SLC28A3: variants seen among roughly 807,000 people sequenced by gnomAD.
The protein encoded by SLC28A3 is solute carrier family 28 member 3, also known as concentrative Na(+)-nucleoside cotransporter 3.
Under a neutral mutation model 84.2 loss-of-function variants are expected in SLC28A3, and 68 were observed. The observed-to-expected ratio is 0.81, with a 90% CI of 0.66 to 0.99. SLC28A3 has a LOEUF of 0.99. Among genes scored for constraint, SLC28A3 ranks in the 50% least tolerant of loss-of-function variants. The probability of loss-of-function intolerance (pLI) is 0.00; values close to 1 mark genes in which losing one functional copy is unlikely to be tolerated. For synonymous variants in SLC28A3, 267 were observed against 303.6 expected, an observed-to-expected ratio of 0.88 and a Z score of 1.25; for missense variants, 712 against 841.5, an observed-to-expected ratio of 0.85 and a Z score of 1.90.
chr9:84,314,623 T>C (rs535925095), intron 1 of SLC28A3, among the ~76,000 whole-genome samples: 59 of 152,346 alleles, frequency 3.9e-4, no homozygotes, highest in Admixed American at 2.6e-3. Flanking sequence ...ACAAGATTCA[T>C]GCATCAAAGT....
chr9:84,356,354 C>A, the SLC28A3 span, among the ~76,000 whole-genome samples: 1 of 152,146 alleles, frequency 6.6e-6, no homozygotes, highest in East Asian at 1.9e-4. Context: ...CCTCATGAAC[C>A]TGAAAGAAAA....
At chr9:84,301,520 C>T (rs1277142664) in intron 5 of SLC28A3, among the ~76,000 whole-genome samples, 1 of 151,898 alleles carries the variant, frequency 6.6e-6, no homozygotes, top group East Asian at 1.9e-4. Flanking sequence ...TTATTTTGAC[C>T]ATAGCCCCAT....
chr9:84,355,835 A>T, the SLC28A3 span, among the ~76,000 whole-genome samples: 1 of 150,998 alleles, frequency 6.6e-6, no homozygotes, highest in South Asian at 2.1e-4. Context: ...TTTATTTTAG[A>T]AAGGTTCTTA....
At chr9:84,290,525 T>C (rs140862340) in intron 10 of SLC28A3, among the ~76,000 whole-genome samples, 17 of 152,314 alleles carry the variant, frequency 1.1e-4, no homozygotes, top group African/African-American at 3.1e-4. Flanking sequence ...GTGATTCCAA[T>C]GCATGCTCAA....
At chr9:84,345,475 C>T (rs552244885), upstream of SLC28A3, among the ~76,000 whole-genome samples, 7 of 152,312 alleles carry the variant, frequency 4.6e-5, no homozygotes, top group South Asian at 1.2e-3. Context: ...ATTGCAGAAA[C>T]GTGACTCCAA....
At chr9:84,324,347 GA>G (rs1465088304) in intron 1 of SLC28A3, among the ~76,000 whole-genome samples, 3 of 152,088 alleles carry the variant, frequency 2.0e-5, no homozygotes, top group Non-Finnish European at 4.4e-5. Context: ...AATTAAATTA[GA>G]AAAATAAAGT....
chr9:84,295,686 A>G (rs1025485891), intron 8 of SLC28A3, among the ~76,000 whole-genome samples: 2 of 152,138 alleles, frequency 1.3e-5, no homozygotes. Context: ...AGTGCAGCCA[A>G]TGTTTCCACA....
rs1165189403 is a variant in SLC28A3 at position 84,285,358 on chromosome 9, T to G, written c.1634A>C (p.Gln545Pro). ...ATATTTACTCACTGATATATATTGC[T>G]GCACACCGTTTACAAATTTGGGTCC... ...EGGPKFVNGVQQYISIRSEII... is the reference protein window; with the variant it reads ...EGGPKFVNGVPQYISIRSEII... Residue 545 changes from glutamine (Q) to proline (P), a missense_variant, in exon 14 of 18, where the codon CAG (glutamine) becomes CCG (proline). Physicochemically the swap from Gln to Pro is moderately conservative, Grantham distance 76. Coordinates refer to ENST00000376238, the MANE Select transcript of SLC28A3 (RefSeq NM_001199633.2). 1 of 1,614,154 alleles carries G rather than the reference T, an allele frequency of 6.2e-7. No individual in the cohort carries two copies. The highest frequency in any genetic ancestry group is 2.2e-5 in the East Asian group (1 of 44,880).
At chr9:84,313,227 A>C in intron 2 of SLC28A3, 132 bp downstream of exon 2, 1 of 678,448 alleles carries the variant, frequency 1.5e-6, no homozygotes, top group Non-Finnish European at 2.4e-6. Context: ...GCCCCCACAC[A>C]CTTTAATTAC....
chr9:84,280,024 T>G lies in SLC28A3; in HGVS notation c.1779A>C (p.Arg593Ser). ...AGGCCACGGTCCCCGCAATCAGAGC[T>G]CTCACTGCCCCCGAGGCGATATCAC... ...RKRDIASGAV[R>S]ALIAGTVACF... The change falls in exon 16 of 18, where the codon AGA becomes AGC. Residue 593 changes from arginine to serine, a missense_variant. Arg to Ser is a moderately radical substitution (Grantham distance 110). Coordinates refer to ENST00000376238, the MANE Select transcript of SLC28A3 (RefSeq NM_001199633.2). The G allele has an allele frequency of 6.2e-7, 1 of 1,613,948 alleles. No individual in the cohort carries two copies.
chr9:84,361,563 G>C, the SLC28A3 span, among the ~76,000 whole-genome samples: 1 of 152,162 alleles, frequency 6.6e-6, no homozygotes, highest in South Asian at 2.1e-4. Flanking sequence ...CAGGTGAAAG[G>C]CTCTCGGGAT....
chr9:84,299,706 C>T lies in SLC28A3; in HGVS notation c.544G>A (p.Val182Ile), dbSNP rs1825552057. 2 of 1,601,580 alleles carry T rather than the reference C, an allele frequency of 1.2e-6. No individual in the cohort carries two copies. Among genetic ancestry groups the T allele is most frequent in the Middle Eastern group, 1.7e-4 (1 of 5,968 alleles). ...WLKWVIWSSL[V>I]LAVIFWLAFD... Reference sequence around the variant, plus strand: ...GCCAACCAGAAAATAACTGCTAGGACCAGGGAGCTCCAGATCACCCTAAGA... The same window carrying T: ...GCCAACCAGAAAATAACTGCTAGGATCAGGGAGCTCCAGATCACCCTAAGA... Residue 182 changes from valine to isoleucine, a missense_variant, in exon 6 of 18, where the codon GTC (valine) becomes ATC (isoleucine). Coordinates refer to ENST00000376238, the MANE Select transcript of SLC28A3 (RefSeq NM_001199633.2).
intron 8 of SLC28A3, among the ~76,000 whole-genome samples, chr9:84,295,478 G>A (rs1399842489): frequency 6.6e-6 from 1 of 152,074 alleles, no homozygotes; most frequent in African/African-American, 2.4e-5. Context: ...CCAACTACTG[G>A]GGAGGCTGAG....
chr9:84,284,599 T>G (rs943366371), intron 14 of SLC28A3, among the ~76,000 whole-genome samples: 3 of 152,214 alleles, frequency 2.0e-5, no homozygotes, highest in African/African-American at 7.2e-5. Flanking sequence ...GGAATGTTCA[T>G]CATTTCCTTA....
At chr9:84,334,754 T>C (rs1345085691) in intron 1 of SLC28A3, among the ~76,000 whole-genome samples, 1 of 151,918 alleles carries the variant, frequency 6.6e-6, no homozygotes, top group Non-Finnish European at 1.5e-5. Context: ...CTACCATTTT[T>C]CCTAGCCTAA....
chr9:84,311,407 T>C (rs951914932), intron 2 of SLC28A3, among the ~76,000 whole-genome samples: 1 of 151,422 alleles, frequency 6.6e-6, no homozygotes, highest in African/African-American at 2.5e-5. Context: ...AGTACATTTG[T>C]TACAACTGAG....
At chr9:84,321,190 G>T (rs1354123753) in intron 1 of SLC28A3, among the ~76,000 whole-genome samples, 1 of 152,052 alleles carries the variant, frequency 6.6e-6, no homozygotes, top group East Asian at 1.9e-4. Flanking sequence ...AGATGAGAAA[G>T]AAGATAAACA....
chr9:84,281,189 T>C (rs1228328255), intron 14 of SLC28A3, among the ~76,000 whole-genome samples: 1 of 152,168 alleles, frequency 6.6e-6, no homozygotes, highest in Admixed American at 6.5e-5. Flanking sequence ...CCTGGCCATC[T>C]GCTACAGTGT....
At chr9:84,282,630 G>C (rs531828241) in intron 14 of SLC28A3, among the ~76,000 whole-genome samples, 1 of 152,320 alleles carries the variant, frequency 6.6e-6, no homozygotes, top group African/African-American at 2.4e-5. Context: ...CTCAAGAGAT[G>C]CTGCTTAGGC....
Sources: gnomAD v4.1 joint callset for allele counts (sites outside exome capture counted in the v4.1 genomes callset) on GRCh38, gnomAD v4.1.1 for gene constraint, MANE v1.5 for transcripts, NCBI Gene and HGNC (gene_info 2026-07-23, HGNC 2026-07-21) for gene names.